The following MAP3K11 variants were observed in gnomAD, a reference collection of about 807,000 sequenced individuals.
MAP3K11 encodes mitogen-activated protein kinase kinase kinase 11.
Under a neutral mutation model 84.9 loss-of-function variants are expected in MAP3K11, and 46 were observed. That is an observed-to-expected ratio of 0.54 (90% CI 0.43 to 0.69). The LOEUF (loss-of-function observed/expected upper bound fraction) is 0.69. Ranked by LOEUF, MAP3K11 falls within the 30% of genes least tolerant of loss-of-function variation. MAP3K11 has a pLI of 0.00. For missense variants in MAP3K11, 1,053 were observed against 1,198.3 expected (o/e 0.88, Z 1.79); for synonymous variants, 527 against 514.7 (o/e 1.02, Z -0.32).
Position 65,606,820 on chromosome 11 carries a change from G to A in MAP3K11, c.1490-16C>T. 1 of 1,541,600 alleles carries A rather than the reference G, an allele frequency of 6.5e-7. No homozygotes were observed. The highest frequency in any genetic ancestry group is 8.9e-7 in the Non-Finnish European group (1 of 1,119,632). ...TGCTTGAAGTCTGGGATTTGGGTTG[G>A]GGGGAGCAGGGTTCAGGTTTGTGAT... On this transcript the variant is annotated splice_polypyrimidine_tract_variant and intron_variant, in intron 5 of 9. Transcript: ENST00000309100.
At chr11:65,599,301 C>A in intron 9 of MAP3K11, 93 bp downstream of exon 9, 3 of 1,409,216 alleles carry the variant, frequency 2.1e-6, no homozygotes, top group Non-Finnish European at 1.9e-6. Context: ...GTGGTCTCGG[C>A]CTTGCCTCCT....
intron 8 of MAP3K11, among the ~76,000 whole-genome samples, chr11:65,604,726 C>T (rs925507227): frequency 8.1e-5 from 12 of 147,772 alleles, no homozygotes; most frequent in Non-Finnish European, 1.3e-4. Flanking sequence ...AGGCGATGGG[C>T]TGGGTGGGAT....
chr11:65,600,390 G>C (rs1854443029), intron 8 of MAP3K11, among the ~76,000 whole-genome samples: 1 of 152,224 alleles, frequency 6.6e-6, no homozygotes, highest in Admixed American at 6.5e-5. Context: ...TGAGCTGAAT[G>C]GCATAGGGGC....
Position 65,599,452 on chromosome 11 carries a change from C to T in MAP3K11, c.2148G>A (p.Leu716=). 1 of 1,518,286 alleles carries T rather than the reference C, an allele frequency of 6.6e-7. No individual in the cohort carries two copies. Among genetic ancestry groups the T allele is most frequent in the Non-Finnish European group, 8.7e-7 (1 of 1,144,622 alleles). 94.1% of individuals were successfully genotyped at this position (1,518,286 alleles called of 1,614,324 possible). A position where few individuals can be genotyped will look rare whatever the true frequency, so the allele number is the denominator to read the frequency against. Residue 716 remains leucine, a synonymous_variant, in exon 9 of 10, where the codon CTG becomes CTA. Transcript: ENST00000309100. ...CTGACCGCTGGCCCACAGGGATACC[C>T]AGGTCCAGCAACAGGGGTGCAGGAG... is the stretch of plus-strand genomic sequence containing the variant. ...PPTPAPLLLD[L]GIPVGQRSAK...
intron 4 of MAP3K11, 23 bp downstream of exon 4, chr11:65,607,618 C>A (rs1854527135): frequency 6.3e-7 from 1 of 1,589,548 alleles, no homozygotes; most frequent in Non-Finnish European, 8.6e-7. Context: ...CGTTCCAACG[C>A]TGGGTCCCTT....
intron 1 of MAP3K11, 39 bp downstream of exon 1, chr11:65,612,979 A>C (rs1854591734): frequency 6.6e-7 from 1 of 1,513,354 alleles, no homozygotes; most frequent in African/African-American, 1.4e-5. Context: ...GGTGTGTACC[A>C]GAGCCATGCC....
intron 2 of MAP3K11, 24 bp from the exon 3 acceptor site, chr11:65,608,094 T>C (rs758465671): frequency 6.2e-7 from 1 of 1,609,562 alleles, no homozygotes; most frequent in East Asian, 2.2e-5. Context: ...AACAGGTCTG[T>C]GTTCCCTTTT....
chr11:65,606,748 C>T lies in MAP3K11; in HGVS notation c.1546G>A (p.Val516Ile), dbSNP rs1854512759. The T allele has an allele frequency of 1.2e-6, 2 of 1,605,680 alleles. No homozygotes were observed. The highest frequency in any genetic ancestry group is 8.5e-7 in the Non-Finnish European group (1 of 1,176,572). The change falls in exon 6 of 10, where the codon GTC becomes ATC. Residue 516 changes from valine to isoleucine, a missense_variant. Val to Ile is a conservative substitution (Grantham distance 29, BLOSUM62 3). Transcript: ENST00000309100. ...ASPGLDRRRN[V>I]FEVGPGDSPT... ...GAATCCCCAGGCCCGACCTCGAAGA[C>T]GTTTCTCCTCCGGTCAAGGCCGGGT...
At position 65,613,765 on chromosome 11, in the gene MAP3K11, G is replaced by C. The variant is rs764379333; in HGVS notation, c.-9C>G. The C allele has an allele frequency of 1.6e-5, 25 of 1,535,490 alleles. No individual in the cohort carries two copies. Among genetic ancestry groups the C allele is most frequent in the Non-Finnish European group, 1.9e-5 (22 of 1,144,308 alleles). On this transcript the variant is annotated 5_prime_UTR_variant, in exon 1 of 10. Coordinates refer to ENST00000309100, the MANE Select transcript of MAP3K11 (RefSeq NM_002419.4). ...CTCTTCAAGGGCTCCATGGCCGGGA[G>C]CCGGCGCTGGGATGTGTGGAGGACC...
chr11:65,600,635 G>A (rs1239476195), intron 8 of MAP3K11, among the ~76,000 whole-genome samples: 1 of 152,236 alleles, frequency 6.6e-6, no homozygotes, highest in Non-Finnish European at 1.5e-5. Context: ...GGGCAGGGAT[G>A]GGGAACCCCT....
chr11:65,606,911 C>A (rs1198558931), intron 5 of MAP3K11, 107 bp from the exon 6 acceptor site: 1 of 706,880 alleles, frequency 1.4e-6, no homozygotes, highest in Non-Finnish European at 2.4e-6. Flanking sequence ...TAGGGAGCGG[C>A]ACGATGGCTG....
At chr11:65,612,680 G>A (rs1854584743) in intron 1 of MAP3K11, 1 of 235,836 alleles carries the variant, frequency 4.2e-6, no homozygotes, top group South Asian at 1.6e-4. Flanking sequence ...GGGAGGAGAA[G>A]ATGAGGAGCA....
rs1173096355 is a variant in MAP3K11 at position 65,613,774 on chromosome 11, G to A, written c.-18C>T. 1 of 1,527,298 alleles carries A rather than the reference G, an allele frequency of 6.5e-7. No homozygotes were observed. The highest frequency in any genetic ancestry group is 8.8e-7 in the Non-Finnish European group (1 of 1,140,866). The allele number at this position is 1,527,298 out of a possible 1,614,324, so 94.6% of individuals were successfully genotyped here. A position where few individuals can be genotyped will look rare whatever the true frequency, so the allele number is the denominator to read the frequency against. ...GGCTCCATGGCCGGGAGCCGGCGCTGGGATGTGTGGAGGACCTTCTCTGGG... is the reference window on the plus strand; with the variant it reads ...GGCTCCATGGCCGGGAGCCGGCGCTAGGATGTGTGGAGGACCTTCTCTGGG... On this transcript the variant is annotated 5_prime_UTR_variant, in exon 1 of 10. Transcript: ENST00000309100.
chr11:65,607,588 A>T, intron 4 of MAP3K11, 53 bp downstream of exon 4: 1 of 1,567,664 alleles, frequency 6.4e-7, no homozygotes. Context: ...ACTCTGCCCC[A>T]GGGAGATCGG....
At chr11:65,599,315 A>G (rs1854421513) in intron 9 of MAP3K11, 79 bp downstream of exon 9, 1 of 1,443,552 alleles carries the variant, frequency 6.9e-7, no homozygotes, top group Non-Finnish European at 9.1e-7. Context: ...GCCTCCTTGC[A>G]TGTCCCCACC....
At chr11:65,607,002 C>G in intron 5 of MAP3K11, 198 bp from the exon 6 acceptor site, 2 of 585,292 alleles carry the variant, frequency 3.4e-6, no homozygotes, top group Non-Finnish European at 5.7e-6. Flanking sequence ...CGGAGATGCC[C>G]TGGCGCCGGC....
chr11:65,608,222 C>A (rs1234366414), intron 2 of MAP3K11, 46 bp downstream of exon 2: 1 of 1,600,118 alleles, frequency 6.2e-7, no homozygotes. Flanking sequence ...CACCTCTGCC[C>A]TCTGCAGCCC....
intron 8 of MAP3K11, among the ~76,000 whole-genome samples, chr11:65,604,813 G>T (rs1006524319): frequency 6.6e-6 from 1 of 152,182 alleles, no homozygotes; most frequent in Non-Finnish European, 1.5e-5. Context: ...TTCTGGCTGT[G>T]AGCAGCAGGT....
Position 65,599,408 on chromosome 11 carries a change from TCAC to T in MAP3K11, c.2189_2191del (p.Arg730_Glu731delinsGln), listed in dbSNP as rs1446716052. 6.5e-7 allele frequency: 1 copy of T among 1,534,352 alleles called. No homozygotes were observed. The highest frequency in any genetic ancestry group is 8.7e-7 in the Non-Finnish European group (1 of 1,151,168). The stretch of plus-strand genomic sequence containing the variant: ...AGGCCACTCACCGCGGGGCTCCTCC[TCAC>T]GTCGGGGGCTCTTGGCTGACCGCTG... On this transcript the variant is annotated inframe_deletion, in exon 9 of 10. Transcript: ENST00000309100.
Sources: gnomAD v4.1 joint callset for allele counts (sites outside exome capture counted in the v4.1 genomes callset) on GRCh38, gnomAD v4.1.1 for gene constraint, MANE v1.5 for transcripts, NCBI Gene and HGNC (gene_info 2026-07-23, HGNC 2026-07-21) for gene names.